PSEN2: variants seen among roughly 807,000 people sequenced by gnomAD.
The protein encoded by PSEN2 is presenilin 2.
PSEN2 carries 32 observed loss-of-function variants against 49.1 expected under a neutral mutation model. That is an observed-to-expected ratio of 0.65 (90% confidence interval 0.49 to 0.88). PSEN2 has a LOEUF of 0.88. Ranked by LOEUF, PSEN2 falls within the 40% of genes least tolerant of loss-of-function variation. PSEN2 has a pLI of 0.00. For synonymous variants in PSEN2, 255 were observed against 244.0 expected, an observed-to-expected ratio of 1.05 and a Z score of -0.42; for missense variants, 522 against 586.9, an observed-to-expected ratio of 0.89 and a Z score of 1.14.
At chr1:226,874,314 T>C (rs985090783) in intron 2 of PSEN2, among the ~76,000 whole-genome samples, 1 of 152,040 alleles carries the variant, frequency 6.6e-6, no homozygotes, top group African/African-American at 2.4e-5. Flanking sequence ...GAGACTTGAG[T>C]TGTAACTGTG....
intron 11 of PSEN2, among the ~76,000 whole-genome samples, chr1:226,892,694 G>A (rs1271407524): frequency 9.2e-5 from 14 of 152,112 alleles, no homozygotes; most frequent in Non-Finnish European, 2.1e-4. Context: ...CTTGGGGGAG[G>A]TATTTATTCC....
At chr1:226,880,367 C>A in intron 3 of PSEN2, 1 of 565,300 alleles carries the variant, frequency 1.8e-6, no homozygotes, top group Non-Finnish European at 2.8e-6. Context: ...ACCAGTGAGA[C>A]CCTGTCTCTA....
Position 226,889,369 on chromosome 1 carries a change from C to T in PSEN2, c.787+320C>T, listed in dbSNP as rs142407400. 4.3e-3 allele frequency among the ~76,000 whole-genome samples: 662 copies of T among 152,210 alleles called. 4 individuals are homozygous for T. Among genetic ancestry groups the T allele is most frequent in the African/African-American group, 0.014 (599 of 41,520 alleles). On this transcript the variant is annotated intron_variant, in intron 8 of 12. Transcript: ENST00000366783. The stretch of plus-strand genomic sequence containing the variant: ...TTGGCTGACTGCAACCTCCGCCTCC[C>T]GGGTTCAAGTGATTCTCCTGCCTCA...
chr1:226,882,506 C>T (rs2102669441), intron 4 of PSEN2, among the ~76,000 whole-genome samples: 2 of 152,278 alleles, frequency 1.3e-5, no homozygotes, highest in Middle Eastern at 6.8e-3. Context: ...TGTGATCATT[C>T]AGCCCCCAGG....
chr1:226,877,397 A>G (rs1043652597), intron 3 of PSEN2, among the ~76,000 whole-genome samples: 8 of 152,162 alleles, frequency 5.3e-5, no homozygotes, highest in Non-Finnish European at 1.2e-4. Flanking sequence ...GAATAGTAGC[A>G]CCTTGCTCCA....
intron 3 of PSEN2, among the ~76,000 whole-genome samples, chr1:226,878,891 C>G (rs1471029064): frequency 6.6e-6 from 1 of 152,142 alleles, no homozygotes; most frequent in East Asian, 1.9e-4. Context: ...TGTTGTGGTG[C>G]CCCTCTTTGA....
At position 226,890,966 on chromosome 1, in the gene PSEN2, G is replaced by A. The variant is rs771084209; in HGVS notation, c.887-312G>A. 2.4e-4 allele frequency: 99 copies of A among 420,532 alleles called. 1 individual carries two copies. The highest frequency in any genetic ancestry group is 5.2e-5 in the Non-Finnish European group (12 of 229,152). 26.1% of individuals were successfully genotyped at this position (420,532 alleles called of 1,614,324 possible). ...ATGAGCGGAGACCATGTATGGAAAG[G>A]TAGTGCCAGGACTGTCATGAGTGTC... is the stretch of plus-strand genomic sequence containing the variant. On this transcript the variant is annotated intron_variant, in intron 9 of 12. Coordinates refer to ENST00000366783, the MANE Select transcript of PSEN2 (RefSeq NM_000447.3).
chr1:226,872,379 C>T (rs997589934), intron 2 of PSEN2, among the ~76,000 whole-genome samples: 1 of 152,198 alleles, frequency 6.6e-6, no homozygotes, highest in Admixed American at 6.5e-5. Context: ...TTTATTATTA[C>T]CTTTTTACAG....
intron 2 of PSEN2, among the ~76,000 whole-genome samples, chr1:226,872,092 T>C (rs932465470): frequency 6.6e-6 from 1 of 152,324 alleles, no homozygotes; most frequent in Admixed American, 6.5e-5. Context: ...GGCTTGTTCC[T>C]GTCTATTTGA....
chr1:226,894,707 G>A (rs780880807), intron 12 of PSEN2, among the ~76,000 whole-genome samples: 2 of 152,228 alleles, frequency 1.3e-5, no homozygotes, highest in African/African-American at 2.4e-5. Context: ...TCGCTGTCAC[G>A]TTAGAGGAGG....
intron 9 of PSEN2, 36 bp downstream of exon 9, chr1:226,890,169 G>T (rs758887516): frequency 1.4e-5 from 21 of 1,549,086 alleles, no homozygotes; most frequent in Non-Finnish European, 1.8e-5. Flanking sequence ...CTGACTCGGG[G>T]TCAGCAGGCA....
At chr1:226,879,067 T>A (rs958121254) in intron 3 of PSEN2, among the ~76,000 whole-genome samples, 2 of 152,186 alleles carry the variant, frequency 1.3e-5, no homozygotes, top group African/African-American at 4.8e-5. Flanking sequence ...AGATGGGGTT[T>A]TGCCATGTTA....
intron 3 of PSEN2, among the ~76,000 whole-genome samples, chr1:226,876,679 G>A (rs183708912): frequency 2.6e-5 from 4 of 152,222 alleles, no homozygotes; most frequent in East Asian, 3.9e-4. Flanking sequence ...GATCAGGTTC[G>A]TAAAGTTTTA....
chr1:226,896,014 A>G lies in PSEN2; in HGVS notation c.*435A>G. On this transcript the variant is annotated 3_prime_UTR_variant, in exon 13 of 13. Coordinates refer to ENST00000366783, the MANE Select transcript of PSEN2 (RefSeq NM_000447.3). Reference sequence around the variant, plus strand: ...CCTTGTTATTTTATTGCCTTTAGAAACTGAGTCCTGTTCTTGTTACGGCAG... The same window carrying G: ...CCTTGTTATTTTATTGCCTTTAGAAGCTGAGTCCTGTTCTTGTTACGGCAG... 1 of 245,912 alleles carries G rather than the reference A, an allele frequency of 4.1e-6. No individual in the cohort carries two copies. The highest frequency in any genetic ancestry group is 8.0e-6 in the Non-Finnish European group (1 of 124,472). 15.2% of individuals were successfully genotyped at this position (245,912 alleles called of 1,614,324 possible).
At chr1:226,899,783 AC>A (rs1296733644), downstream of PSEN2, among the ~76,000 whole-genome samples, 7 of 151,902 alleles carry the variant, frequency 4.6e-5, no homozygotes, top group East Asian at 1.4e-3. Flanking sequence ...AGTGGCTTTC[AC>A]CTCATGACCT....
chr1:226,876,560 C>A (rs78557397), intron 3 of PSEN2, among the ~76,000 whole-genome samples: 11,745 of 151,832 alleles, frequency 0.077, 1,204 homozygotes, highest in African/African-American at 0.24. Flanking sequence ...AGAAAAATAT[C>A]AAGAAAATAA....
intron 7 of PSEN2, 77 bp downstream of exon 7, chr1:226,888,235 G>T: frequency 7.5e-7 from 1 of 1,341,960 alleles, no homozygotes; most frequent in Non-Finnish European, 1.1e-6. Context: ...ATGAGGACCT[G>T]GGCGGGGAAA....
chr1:226,892,064 C>T (rs990367009), intron 11 of PSEN2, among the ~76,000 whole-genome samples: 7 of 152,134 alleles, frequency 4.6e-5, no homozygotes, highest in Non-Finnish European at 7.3e-5. Flanking sequence ...GCCACGTGCC[C>T]GTGCTGTGCT....
chr1:226,899,965 G>A (rs1177735751), downstream of PSEN2, among the ~76,000 whole-genome samples: 1 of 152,200 alleles, frequency 6.6e-6, no homozygotes, highest in Non-Finnish European at 1.5e-5. Context: ...GAGACTGAGA[G>A]ACTGGGAAAT....
Sources: allele counts gnomAD v4.1 joint callset (sites outside exome capture counted in the v4.1 genomes callset), GRCh38; gene constraint gnomAD v4.1.1; transcripts MANE v1.5; gene names NCBI Gene and HGNC (gene_info 2026-07-23, HGNC 2026-07-21).